RAB5C: variants seen among roughly 807,000 people sequenced by gnomAD.
The protein encoded by RAB5C is RAB5C, member RAS oncogene family, also known as ras-related protein Rab-5C.
A neutral mutation model predicts 25.2 loss-of-function variants in RAB5C; 4 were observed. That is an observed-to-expected ratio of 0.16 (90% CI 0.08 to 0.36). The LOEUF (loss-of-function observed/expected upper bound fraction) is 0.36. Among genes scored for constraint, RAB5C ranks in the 10% least tolerant of loss-of-function variants. The pLI is 1.00. For missense variants in RAB5C, 199 were observed against 283.8 expected (o/e 0.70, Z 2.15); for synonymous variants, 100 against 106.4 (o/e 0.94, Z 0.37).
chr17:42,148,751 C>T (rs547740230), intron 1 of RAB5C, among the ~76,000 whole-genome samples: 17 of 152,306 alleles, frequency 1.1e-4, no homozygotes, highest in Admixed American at 9.8e-4. Flanking sequence ...TTTCCAGGCA[C>T]GTGAGGTGCA....
chr17:42,144,517 A>T (rs551312679), intron 1 of RAB5C, among the ~76,000 whole-genome samples: 149 of 152,080 alleles, frequency 9.8e-4, no homozygotes, highest in African/African-American at 3.5e-3. Flanking sequence ...CTCATATAGA[A>T]GAATTTAATA....
chr17:42,147,149 AGAG>A (rs2079642807), intron 1 of RAB5C, among the ~76,000 whole-genome samples: 1 of 72,144 alleles, frequency 1.4e-5, no homozygotes, highest in Non-Finnish European at 2.5e-5. Flanking sequence ...AAAGAAAGAG[AGAG>A]AGAGAGAGAG....
chr17:42,137,882 T>A (rs1273327711), intron 1 of RAB5C: 1 of 150,078 alleles, frequency 6.7e-6, no homozygotes, highest in East Asian at 1.9e-4. Context: ...CGAGACTCTG[T>A]CTCAAAAAAA....
In RAB5C at chr17:42,127,940, C is replaced by G. The variant is rs573154698; in HGVS notation, c.441+321G>C. Among the ~76,000 whole-genome samples the G allele has an allele frequency of 4.6e-5, 7 of 152,136 alleles. No homozygotes were observed. The East Asian group carries it at 1.4e-3, about 29-fold the overall frequency. ...GCTCAAACAATCCTCGTGCCTCAGC[C>G]TCCTGAGCAGCTGAGACTACAGGTG... On this transcript the variant is annotated intron_variant, in intron 4 of 5. Coordinates refer to ENST00000346213, the MANE Select transcript of RAB5C (RefSeq NM_004583.4).
intron 1 of RAB5C, among the ~76,000 whole-genome samples, chr17:42,133,768 GGCAGTGTTTGCCA>G (rs2054509554): frequency 6.6e-6 from 1 of 152,226 alleles, no homozygotes; most frequent in Non-Finnish European, 1.5e-5. Flanking sequence ...CAGGGTTAAT[GGCAGTGTTTGCCA>G]GCTGTCTCAC....
At chr17:42,146,618 G>A (rs1323322883) in intron 1 of RAB5C, among the ~76,000 whole-genome samples, 2 of 152,216 alleles carry the variant, frequency 1.3e-5, no homozygotes, top group East Asian at 3.9e-4. Context: ...GCATGGTGGC[G>A]TACGCCTGTA....
At chr17:42,148,913 TC>T (rs896577451) in intron 1 of RAB5C, among the ~76,000 whole-genome samples, 24 of 152,254 alleles carry the variant, frequency 1.6e-4, no homozygotes, top group African/African-American at 5.5e-4. Context: ...AGAACCTACC[TC>T]CTGGGGTTGT....
chr17:42,151,916 C>G (rs867240277), intron 1 of RAB5C, among the ~76,000 whole-genome samples: 30 of 152,234 alleles, frequency 2.0e-4, no homozygotes, highest in South Asian at 4.1e-4. Context: ...AGAGTCTGCC[C>G]TTGTGCCGTG....
At chr17:42,148,402 T>A (rs1382068335) in intron 1 of RAB5C, among the ~76,000 whole-genome samples, 2 of 54,908 alleles carry the variant, frequency 3.6e-5, no homozygotes, top group Admixed American at 1.9e-4. Context: ...AGACTCCATC[T>A]CAAAAAAAAA....
intron 1 of RAB5C, among the ~76,000 whole-genome samples, chr17:42,152,309 G>C (rs984007677): frequency 6.6e-6 from 1 of 152,132 alleles, no homozygotes; most frequent in African/African-American, 2.4e-5. Context: ...AGAGGGCAGG[G>C]GAGGAACAGC....
intron 1 of RAB5C, among the ~76,000 whole-genome samples, chr17:42,140,640 C>T (rs902588962): frequency 9.3e-5 from 14 of 150,786 alleles, no homozygotes; most frequent in African/African-American, 3.4e-4. Flanking sequence ...TCTCGTGCTT[C>T]AGCCTCCTGA....
At chr17:42,129,569 G>C (rs562336134) in intron 2 of RAB5C, among the ~76,000 whole-genome samples, 2 of 152,356 alleles carry the variant, frequency 1.3e-5, no homozygotes, top group East Asian at 3.9e-4. Context: ...GGACAGCCAT[G>C]TGTAGAAGGC....
intron 5 of RAB5C, 55 bp from the exon 6 acceptor site, chr17:42,125,953 GTTCCACTGGAGCAGATTCTGGCCTTTA>G: frequency 1.5e-6 from 2 of 1,353,790 alleles, no homozygotes; most frequent in Non-Finnish European, 2.1e-6. Context: ...AACTCTCCCA[GTTCCACTGGAGCAGATTCTGGCCTTTA>G]TACCCAATCA....
intron 1 of RAB5C, among the ~76,000 whole-genome samples, chr17:42,148,234 C>T (rs925072996): frequency 2.0e-5 from 3 of 151,756 alleles, no homozygotes; most frequent in Non-Finnish European, 2.9e-5. Flanking sequence ...TGGTGAAATC[C>T]GTCTCTACTA....
intron 1 of RAB5C, among the ~76,000 whole-genome samples, chr17:42,145,646 G>A (rs1041824514): frequency 4.6e-5 from 7 of 152,144 alleles, no homozygotes; most frequent in African/African-American, 1.7e-4. Flanking sequence ...TTAGCCAGGC[G>A]TGGTGGTGCA....
intron 1 of RAB5C, among the ~76,000 whole-genome samples, chr17:42,132,028 C>T (rs1248166501): frequency 1.3e-5 from 2 of 152,166 alleles, no homozygotes; most frequent in African/African-American, 2.4e-5. Context: ...GGGAGAGCCC[C>T]GATCTGCCCC....
chr17:42,153,993 T>C (rs1255122610), intron 1 of RAB5C, among the ~76,000 whole-genome samples: 1 of 152,124 alleles, frequency 6.6e-6, no homozygotes, highest in African/African-American at 2.4e-5. Flanking sequence ...GGGAAAGAGA[T>C]GGCCCTTCAA....
chr17:42,144,593 C>T (rs1047031269), intron 1 of RAB5C, among the ~76,000 whole-genome samples: 6 of 151,984 alleles, frequency 3.9e-5, no homozygotes, highest in African/African-American at 1.4e-4. Flanking sequence ...ACGGGTGGAT[C>T]ACGAGGTCAG....
chr17:42,147,531 C>T (rs758764592), intron 1 of RAB5C, among the ~76,000 whole-genome samples: 12 of 152,196 alleles, frequency 7.9e-5, no homozygotes, highest in African/African-American at 2.2e-4. Flanking sequence ...TAGTCAGGGC[C>T]GCGCCCTCAT....
Sources: gnomAD v4.1 joint callset for allele counts (sites outside exome capture counted in the v4.1 genomes callset) on GRCh38, gnomAD v4.1.1 for gene constraint, MANE v1.5 for transcripts, NCBI Gene and HGNC (gene_info 2026-07-23, HGNC 2026-07-21) for gene names.